Variants in TRPM3 observed in about 807,000 individuals in gnomAD.
TRPM3 encodes long transient receptor potential channel 3.
TRPM3 carries 77 observed loss-of-function variants against 181.2 expected under a neutral mutation model. The ratio of observed to expected loss-of-function variants is 0.42; its 90% CI spans 0.35 to 0.51. TRPM3 has a LOEUF of 0.51. Among genes scored for constraint, TRPM3 ranks in the 20% least tolerant of loss-of-function variants. The pLI is 0.01. For synonymous variants in TRPM3, 745 were observed against 796.4 expected, an observed-to-expected ratio of 0.94 and a Z score of 1.09; for missense variants, 1,759 against 2,196.7, an observed-to-expected ratio of 0.80 and a Z score of 3.98.
intron 1 of TRPM3, among the ~76,000 whole-genome samples, chr9:71,281,425 A>C (rs1689420506): frequency 6.6e-6 from 1 of 152,148 alleles, no homozygotes; most frequent in African/African-American, 2.4e-5. Context: ...TTTTATTCAC[A>C]TATTTTGTTT....
chr9:70,538,740 G>T (rs774617776), intron 25 of TRPM3, among the ~76,000 whole-genome samples: 5 of 152,152 alleles, frequency 3.3e-5, no homozygotes, highest in Non-Finnish European at 7.3e-5. Context: ...GGCATGGTTT[G>T]TCTCATATTC....
At chr9:70,984,896 G>C (rs956309260) in intron 1 of TRPM3, among the ~76,000 whole-genome samples, 1 of 152,182 alleles carries the variant, frequency 6.6e-6, no homozygotes, top group African/African-American at 2.4e-5. Flanking sequence ...TATGTCATCC[G>C]TATTTTATTT....
At chr9:70,774,443 G>A in intron 7 of TRPM3, 1 of 152,024 alleles carries the variant, frequency 6.6e-6, no homozygotes, top group South Asian at 2.1e-4. Context: ...TATGTTACTA[G>A]TAAGGCTTTT....
intron 1 of TRPM3, among the ~76,000 whole-genome samples, chr9:71,308,950 T>C (rs1405344971): frequency 3.9e-5 from 6 of 152,134 alleles, no homozygotes; most frequent in Non-Finnish European, 7.4e-5. Context: ...TGATGGAGAC[T>C]TCAATAGGCT....
At chr9:70,794,160 T>C (rs1485108683) in intron 6 of TRPM3, among the ~76,000 whole-genome samples, 2 of 151,114 alleles carry the variant, frequency 1.3e-5, no homozygotes, top group Admixed American at 1.3e-4. Flanking sequence ...CCCAATACCC[T>C]GTTTAGTGTC....
At chr9:71,165,807 T>C (rs756784249) in intron 1 of TRPM3, among the ~76,000 whole-genome samples, 3 of 152,162 alleles carry the variant, frequency 2.0e-5, no homozygotes, top group Non-Finnish European at 2.9e-5. Flanking sequence ...GGCTGGTTGA[T>C]TCCTAAGCCA....
chr9:71,055,124 C>A (rs945557276), intron 1 of TRPM3, among the ~76,000 whole-genome samples: 4 of 152,090 alleles, frequency 2.6e-5, no homozygotes, highest in East Asian at 1.9e-4. Context: ...GTATTTCGAC[C>A]ATTTGGGAGG....
intron 1 of TRPM3, among the ~76,000 whole-genome samples, chr9:71,330,719 A>G (rs542030255): frequency 1.3e-5 from 2 of 151,976 alleles, no homozygotes; most frequent in African/African-American, 4.8e-5. Flanking sequence ...CATAGAGAGA[A>G]GAGATAAGGG....
At position 70,535,522 on chromosome 9, in the gene TRPM3, G is replaced by A; in HGVS notation, c.*431C>T. 6.5e-7 allele frequency: 1 copy of A among 1,548,354 alleles called. No individual in the cohort carries two copies. On this transcript the variant is annotated 3_prime_UTR_variant, in exon 26 of 26. Coordinates refer to ENST00000677713, the MANE Select transcript of TRPM3 (RefSeq NM_001366145.2). ...ATGGAAGTTTAGAATATCTCATTGTGTACGCTGGCTATTTTATTTTATTTT... is the reference window on the plus strand; with the variant it reads ...ATGGAAGTTTAGAATATCTCATTGTATACGCTGGCTATTTTATTTTATTTT...
chr9:71,280,422 A>G (rs2084612806), intron 1 of TRPM3, among the ~76,000 whole-genome samples: 1 of 152,200 alleles, frequency 6.6e-6, no homozygotes, highest in African/African-American at 2.4e-5. Flanking sequence ...TGCTATGACA[A>G]GTAAAGCACG....
At chr9:71,222,834 C>G (rs1280564450) in intron 1 of TRPM3, among the ~76,000 whole-genome samples, 1 of 152,148 alleles carries the variant, frequency 6.6e-6, no homozygotes, top group Non-Finnish European at 1.5e-5. Flanking sequence ...CTGATACCCA[C>G]AGAGGGAACA....
At chr9:70,850,389 A>T (rs62545306) in intron 3 of TRPM3, among the ~76,000 whole-genome samples, 4,387 of 152,278 alleles carry the variant, frequency 0.029, 88 homozygotes, top group Middle Eastern at 0.058. Context: ...GAGTCTCTTT[A>T]TAAGAGACAT....
intron 1 of TRPM3, among the ~76,000 whole-genome samples, chr9:71,249,591 C>G (rs2082223631): frequency 6.6e-6 from 1 of 151,992 alleles, no homozygotes; most frequent in Non-Finnish European, 1.5e-5. Flanking sequence ...TATTTTCTCA[C>G]AAATGTAAAG....
chr9:70,616,515 T>C (rs1195157127), intron 17 of TRPM3, among the ~76,000 whole-genome samples: 2 of 151,314 alleles, frequency 1.3e-5, no homozygotes, highest in Admixed American at 6.6e-5. Flanking sequence ...ACTGGCATTT[T>C]TTTTTTTTTT....
chr9:70,772,410 T>G (rs111452739), intron 7 of TRPM3, among the ~76,000 whole-genome samples: 5,613 of 151,816 alleles, frequency 0.037, 150 homozygotes, highest in Middle Eastern at 0.089. Flanking sequence ...ATCAACCTCC[T>G]GGGCTCAGGT....
At chr9:70,846,066 C>T (rs537852700) in intron 4 of TRPM3, among the ~76,000 whole-genome samples, 1 of 152,160 alleles carries the variant, frequency 6.6e-6, no homozygotes, top group Non-Finnish European at 1.5e-5. Context: ...AGAAGTCATT[C>T]CCTAAAGAAT....
At chr9:71,068,891 A>G (rs1471802249) in intron 1 of TRPM3, among the ~76,000 whole-genome samples, 1 of 152,200 alleles carries the variant, frequency 6.6e-6, no homozygotes, top group Non-Finnish European at 1.5e-5. Flanking sequence ...TATTGCTTCC[A>G]TCATGGTGGT....
intron 9 of TRPM3, among the ~76,000 whole-genome samples, chr9:70,678,582 G>A (rs1342389488): frequency 6.6e-6 from 1 of 152,144 alleles, no homozygotes; most frequent in Non-Finnish European, 1.5e-5. Context: ...ATGGTCACCT[G>A]ATTTCCTGTC....
intron 1 of TRPM3, among the ~76,000 whole-genome samples, chr9:71,426,104 T>C (rs1036974485): frequency 2.6e-5 from 4 of 152,188 alleles, no homozygotes; most frequent in Admixed American, 6.5e-5. Flanking sequence ...TCTACTTGTT[T>C]ATTGGCTGTG....
Sources: allele counts gnomAD v4.1 joint callset (sites outside exome capture counted in the v4.1 genomes callset), GRCh38; gene constraint gnomAD v4.1.1; transcripts MANE v1.5; gene names NCBI Gene and HGNC (gene_info 2026-07-23, HGNC 2026-07-21).